Variants in TSHZ2 observed in about 807,000 individuals in gnomAD.
The protein encoded by TSHZ2 is teashirt homolog 2.
Under a neutral mutation model 74.4 loss-of-function variants are expected in TSHZ2, and 21 were observed. The ratio of observed to expected loss-of-function variants is 0.28; its 90% CI spans 0.20 to 0.41. The LOEUF (loss-of-function observed/expected upper bound fraction) is 0.41. Ranked by LOEUF, TSHZ2 falls within the 10% of genes least tolerant of loss-of-function variation. The probability of loss-of-function intolerance (pLI) is 1.00; values close to 1 mark genes in which losing one functional copy is unlikely to be tolerated. For missense variants in TSHZ2, 1,244 were observed against 1,293.5 expected, an observed-to-expected ratio of 0.96 and a Z score of 0.59; for synonymous variants, 540 against 515.3, an observed-to-expected ratio of 1.05 and a Z score of -0.65.
At chr20:53,293,762 A>G in intron 2 of TSHZ2, among the ~76,000 whole-genome samples, 1 of 151,684 alleles carries the variant, frequency 6.6e-6, no homozygotes, top group East Asian at 1.9e-4. Flanking sequence ...TCACACCTGT[A>G]ATCCCAGCAC....
At chr20:53,239,263 T>C (rs1246399150) in intron 1 of TSHZ2, among the ~76,000 whole-genome samples, 1 of 152,162 alleles carries the variant, frequency 6.6e-6, no homozygotes, top group East Asian at 1.9e-4. Flanking sequence ...TGTTGGACAT[T>C]ACCAAGTGTG....
At chr20:53,246,723 A>G (rs1176086273) in intron 1 of TSHZ2, among the ~76,000 whole-genome samples, 2 of 152,252 alleles carry the variant, frequency 1.3e-5, no homozygotes, top group Non-Finnish European at 1.5e-5. Context: ...GGATGACAGA[A>G]TATCCACTTC....
intron 2 of TSHZ2, among the ~76,000 whole-genome samples, chr20:53,438,098 CTTTCTTTTTTTTT>C (rs1204706785): frequency 3.3e-5 from 5 of 149,976 alleles, no homozygotes; most frequent in African/African-American, 7.4e-5. Context: ...GTGTACTTTT[CTTTCTTTTTTTTT>C]TTTCTTTTTT....
At chr20:53,241,973 A>C (rs536947143) in intron 1 of TSHZ2, among the ~76,000 whole-genome samples, 1 of 152,282 alleles carries the variant, frequency 6.6e-6, no homozygotes, top group South Asian at 2.1e-4. Flanking sequence ...TGTTTTTGCC[A>C]TTAAAAGTAA....
intron 1 of TSHZ2, among the ~76,000 whole-genome samples, chr20:53,166,058 A>G (rs550106256): frequency 6.6e-6 from 1 of 152,324 alleles, no homozygotes; most frequent in Non-Finnish European, 1.5e-5. Context: ...CTTATCAGAA[A>G]CTAATACAAG....
intron 1 of TSHZ2, among the ~76,000 whole-genome samples, chr20:53,079,057 G>A (rs538125146): frequency 2.0e-5 from 3 of 152,234 alleles, no homozygotes; most frequent in Admixed American, 6.5e-5. Flanking sequence ...ATCCAACATT[G>A]AAAAGGAAAA....
chr20:53,045,891 A>C (rs1235829240), intron 1 of TSHZ2, among the ~76,000 whole-genome samples: 1 of 152,126 alleles, frequency 6.6e-6, no homozygotes, highest in African/African-American at 2.4e-5. Flanking sequence ...TAACTTACAC[A>C]CACAAAAATG....
At chr20:53,225,498 C>T (rs1230856857) in intron 1 of TSHZ2, among the ~76,000 whole-genome samples, 1 of 152,202 alleles carries the variant, frequency 6.6e-6, no homozygotes, top group African/African-American at 2.4e-5. Flanking sequence ...TGACTTCGCC[C>T]TCAGTGCTGG....
chr20:53,423,862 A>T (rs554661691), intron 2 of TSHZ2, among the ~76,000 whole-genome samples: 4 of 152,168 alleles, frequency 2.6e-5, no homozygotes, highest in Non-Finnish European at 5.9e-5. Flanking sequence ...GTTTCGGGGG[A>T]TATTTGCAAG....
At chr20:53,383,620 G>A (rs1349222013) in intron 2 of TSHZ2, among the ~76,000 whole-genome samples, 1 of 152,022 alleles carries the variant, frequency 6.6e-6, no homozygotes, top group Admixed American at 6.6e-5. Context: ...AATTAGCTGG[G>A]CATGTTGGCC....
intron 1 of TSHZ2, chr20:53,178,477 C>G (rs2123503407): frequency 6.6e-6 from 1 of 152,362 alleles, no homozygotes; most frequent in South Asian, 2.1e-4. Flanking sequence ...TGCCTCAATC[C>G]TAAGACTCTG....
At chr20:53,321,017 T>G (rs1350951125) in intron 2 of TSHZ2, among the ~76,000 whole-genome samples, 1 of 152,230 alleles carries the variant, frequency 6.6e-6, no homozygotes, top group Non-Finnish European at 1.5e-5. Context: ...TAAAGTTACT[T>G]TTAGTGAATT....
chr20:53,469,146 C>T (rs1252267511), intron 2 of TSHZ2, among the ~76,000 whole-genome samples: 3 of 144,624 alleles, frequency 2.1e-5, no homozygotes, highest in Non-Finnish European at 4.5e-5. Context: ...AGATAGGTCA[C>T]TTCAAGTCTC....
chr20:53,323,880 C>T (rs1259830570), intron 2 of TSHZ2, among the ~76,000 whole-genome samples: 1 of 152,012 alleles, frequency 6.6e-6, no homozygotes, highest in Admixed American at 6.6e-5. Context: ...GCCCGGGCTC[C>T]TCGGAGGGCT....
chr20:53,464,533 G>A (rs1361843565), intron 2 of TSHZ2, among the ~76,000 whole-genome samples: 1 of 152,134 alleles, frequency 6.6e-6, no homozygotes, highest in Middle Eastern at 3.2e-3. Context: ...TACAACCATG[G>A]CTCCCTGCAG....
chr20:53,212,075 C>T (rs1017493204), intron 1 of TSHZ2, among the ~76,000 whole-genome samples: 4 of 152,164 alleles, frequency 2.6e-5, no homozygotes, highest in Non-Finnish European at 4.4e-5. Flanking sequence ...GTTCCTAACT[C>T]TCAATCGTGT....
At chr20:52,996,549 G>C in intron 1 of TSHZ2, among the ~76,000 whole-genome samples, 1 of 152,236 alleles carries the variant, frequency 6.6e-6, no homozygotes, top group Middle Eastern at 3.4e-3. Context: ...TTCGGTTGTT[G>C]AGAAAGAGTT....
At chr20:53,365,967 C>T (rs769264910) in intron 2 of TSHZ2, among the ~76,000 whole-genome samples, 1 of 152,204 alleles carries the variant, frequency 6.6e-6, no homozygotes. Flanking sequence ...TAATCCTCAA[C>T]CTTGGAGATT....
chr20:53,020,453 C>T (rs57882356), intron 1 of TSHZ2, among the ~76,000 whole-genome samples: 7,957 of 152,224 alleles, frequency 0.052, 467 homozygotes, highest in South Asian at 0.15. Context: ...ACTCGCATTA[C>T]AAGCTAGGAT....
Sources: allele counts gnomAD v4.1 joint callset (sites outside exome capture counted in the v4.1 genomes callset), GRCh38; gene constraint gnomAD v4.1.1; transcripts MANE v1.5; gene names NCBI Gene and HGNC (gene_info 2026-07-23, HGNC 2026-07-21).